NIN: variants seen among roughly 807,000 people sequenced by gnomAD.
The protein encoded by NIN is ninein.
A neutral mutation model predicts 257.6 loss-of-function variants in NIN; 137 were observed. The ratio of observed to expected loss-of-function variants is 0.53; its 90% confidence interval spans 0.46 to 0.61. The LOEUF (loss-of-function observed/expected upper bound fraction) is 0.61. NIN is among the 20% of genes least tolerant of loss of function. NIN has a pLI of 0.00. For missense variants in NIN, 2,439 were observed against 2,501.2 expected (o/e 0.98, Z 0.53); for synonymous variants, 918 against 919.8 (o/e 1.00, Z 0.04).
intron 2 of NIN, among the ~76,000 whole-genome samples, chr14:50,823,662 T>A (rs2045336011): frequency 6.6e-6 from 1 of 152,144 alleles, no homozygotes; most frequent in Non-Finnish European, 1.5e-5. Context: ...ACAGCTCAGT[T>A]TTTACTGGGG....
intron 22 of NIN, among the ~76,000 whole-genome samples, chr14:50,744,935 CA>C (rs143259525): frequency 2.6e-5 from 4 of 151,924 alleles, no homozygotes; most frequent in East Asian, 3.9e-4. Flanking sequence ...CAAAACAAAA[CA>C]AAAAAACCCC....
chr14:50,729,167 C>G (rs1299154883), intron 29 of NIN, among the ~76,000 whole-genome samples: 3 of 152,064 alleles, frequency 2.0e-5, no homozygotes, highest in Non-Finnish European at 2.9e-5. Flanking sequence ...AGCTTAGAAG[C>G]TGAGAGCTCA....
In NIN at chr14:50,749,754, A is replaced by G. The variant is rs566965852; in HGVS notation, c.4951-1649T>C. 2.6e-5 allele frequency among the ~76,000 whole-genome samples: 4 copies of G among 152,176 alleles called. No individual in the cohort carries two copies. In the East Asian group the frequency reaches 5.8e-4, roughly 22 times the overall value. On this transcript the variant is annotated intron_variant, in intron 21 of 30. Coordinates refer to ENST00000530997, the MANE Select transcript of NIN (RefSeq NM_020921.4). ...GCCCAGGCTGAAGTGCAGTGGTGCAATCTTGGCTCACTGCAGCCTCGACCT... is the reference window on the plus strand; with the variant it reads ...GCCCAGGCTGAAGTGCAGTGGTGCAGTCTTGGCTCACTGCAGCCTCGACCT...
At chr14:50,746,266 G>A (rs1376750850) in intron 22 of NIN, among the ~76,000 whole-genome samples, 1 of 152,132 alleles carries the variant, frequency 6.6e-6, no homozygotes, top group East Asian at 1.9e-4. Context: ...GATAAAGTTG[G>A]TAATAACAGC....
At chr14:50,741,207 A>G (rs984268389) in intron 25 of NIN, among the ~76,000 whole-genome samples, 1 of 152,204 alleles carries the variant, frequency 6.6e-6, no homozygotes, top group Non-Finnish European at 1.5e-5. Context: ...CATTTAAGAA[A>G]ATGTTTTAGT....
chr14:50,755,480 GA>G (rs896790338), intron 18 of NIN, among the ~76,000 whole-genome samples: 2 of 128,088 alleles, frequency 1.6e-5, no homozygotes, highest in African/African-American at 2.9e-5. Context: ...TTTTTTTTTT[GA>G]AAAACCAAAT....
Position 50,738,153 on chromosome 14 carries a change from G to A in NIN, c.5762C>T (p.Pro1921Leu). Residue 1921 changes from proline to leucine, a missense_variant, in exon 27 of 31, where the codon CCT (proline) becomes CTT (leucine). Coordinates refer to ENST00000530997, the MANE Select transcript of NIN (RefSeq NM_020921.4). Reference protein sequence around the residue: ...ECDQFQKEQSPANRKVSQMNS... With the variant: ...ECDQFQKEQSLANRKVSQMNS... ...TCAAAAACTCACCTTCCTGTTAGCA[G>A]GAGATTGTTCTTTCTGAAACTGATC... 6.2e-7 allele frequency: 1 copy of A among 1,614,046 alleles called. No individual in the cohort carries two copies. The highest frequency in any genetic ancestry group is 8.5e-7 in the Non-Finnish European group (1 of 1,179,984).
intron 3 of NIN, among the ~76,000 whole-genome samples, chr14:50,808,189 G>A (rs554254625): frequency 1.3e-5 from 2 of 152,198 alleles, no homozygotes; most frequent in Admixed American, 6.5e-5. Context: ...AAGGGTAAAC[G>A]ACTGTAGAAA....
intron 21 of NIN, 66 bp downstream of exon 21, chr14:50,752,452 T>C (rs2041827698): frequency 8.1e-7 from 1 of 1,238,188 alleles, no homozygotes; most frequent in Non-Finnish European, 1.2e-6. Context: ...GGAAGTTTAA[T>C]ACAAACATTT....
At chr14:50,765,841 A>ATGT (rs1555383418) in intron 14 of NIN, among the ~76,000 whole-genome samples, 1 of 63,722 alleles carries the variant, frequency 1.6e-5, no homozygotes, top group Non-Finnish European at 3.7e-5. Context: ...GCTAACATTT[A>ATGT]TGTTTTTTTT....
rs760609447 is a variant in NIN, at chr14:50,792,893, G to C, written c.266-12C>G. On this transcript the variant is annotated splice_polypyrimidine_tract_variant and intron_variant, in intron 4 of 30. Transcript: ENST00000530997. ...TTCTAGTGAGCAGTCTGAGAGAGGAGACAAGAGTTGAGGCCACATGACATG... is the reference window on the plus strand; with the variant it reads ...TTCTAGTGAGCAGTCTGAGAGAGGACACAAGAGTTGAGGCCACATGACATG... 1 of 1,613,916 alleles carries C rather than the reference G, an allele frequency of 6.2e-7. No individual in the cohort carries two copies.
chr14:50,723,401 C>T lies in NIN; in HGVS notation c.*62G>A. 2 of 1,409,824 alleles carry T rather than the reference C, an allele frequency of 1.4e-6. No homozygotes were observed. The highest frequency in any genetic ancestry group is 2.0e-6 in the Non-Finnish European group (2 of 1,007,740). 87.3% of individuals were successfully genotyped at this position (1,409,824 alleles called of 1,614,324 possible). On this transcript the variant is annotated 3_prime_UTR_variant, in exon 31 of 31. Coordinates refer to ENST00000530997, the MANE Select transcript of NIN (RefSeq NM_020921.4). ...GTTAGGCTTAATTTTAAGTTGAGAA[C>T]CTACTGAAATGTTCATCTATTTCAG...
chr14:50,738,375 A>G, intron 26 of NIN, 89 bp from the exon 27 acceptor site: 1 of 1,111,590 alleles, frequency 9.0e-7, no homozygotes, highest in Admixed American at 2.3e-5. Context: ...TTAATTCAGT[A>G]CTTGGGTCCT....
intron 29 of NIN, chr14:50,726,276 A>G (rs879166410): frequency 2.1e-6 from 1 of 485,356 alleles, no homozygotes; most frequent in South Asian, 3.9e-5. Context: ...AGACTGAAAA[A>G]TCAAAAGAAT....
At chr14:50,775,759 T>C (rs1413738096) in intron 7 of NIN, among the ~76,000 whole-genome samples, 3 of 152,170 alleles carry the variant, frequency 2.0e-5, no homozygotes, top group Non-Finnish European at 4.4e-5. Flanking sequence ...TAATCCAAGT[T>C]TGTGCAATAT....
intron 11 of NIN, 101 bp downstream of exon 11, chr14:50,770,751 C>T: frequency 7.0e-7 from 1 of 1,438,358 alleles, no homozygotes; most frequent in Admixed American, 2.4e-5. Context: ...ACAGGCTGAC[C>T]AGAAGAGTCC....
At position 50,737,173 on chromosome 14, in the gene NIN, T is replaced by C. The variant is rs141113688; in HGVS notation, c.5775+967A>G. ...CATAAAGGGACCACAGCTTCTGTCT[T>C]GGTCTTTCGGTCTCAGTGTCTGTTT... On this transcript the variant is annotated intron_variant, in intron 27 of 30. Transcript: ENST00000530997. Among the ~76,000 whole-genome samples, 5 of 152,328 alleles carry C rather than the reference T, an allele frequency of 3.3e-5. No individual in the cohort carries two copies. The East Asian group carries it at 9.6e-4, about 29-fold the overall frequency.
intron 21 of NIN, among the ~76,000 whole-genome samples, chr14:50,749,326 A>C (rs1024907546): frequency 9.2e-5 from 14 of 152,252 alleles, no homozygotes; most frequent in African/African-American, 3.4e-4. Flanking sequence ...TGGATTAAAG[A>C]CTTAAATGTA....
Position 50,723,631 on chromosome 14 carries a change from C to A in NIN, c.6234G>T (p.Leu2078Phe). ...TCAACAACTGGGCATTTTCAACATA[C>A]AAGTCCTTCACCATTGCGTCTGCCT... ...NTKADAMVKDLYVENAQLLKA... is the reference protein window; with the variant it reads ...NTKADAMVKDFYVENAQLLKA... The change falls in exon 31 of 31, where the codon TTG becomes TTT. Residue 2078 changes from leucine to phenylalanine, a missense_variant. Leu to Phe is a conservative substitution (Grantham distance 22, BLOSUM62 0). This residue lies in a region of NIN where 2,043 missense variants were observed against 2,050.2 expected (regional missense o/e 1.00). Coordinates refer to ENST00000530997, the MANE Select transcript of NIN (RefSeq NM_020921.4). 6.2e-7 allele frequency: 1 copy of A among 1,613,880 alleles called. No homozygotes were observed. The highest frequency in any genetic ancestry group is 8.5e-7 in the Non-Finnish European group (1 of 1,179,784).
Sources: gnomAD v4.1 joint callset for allele counts (sites outside exome capture counted in the v4.1 genomes callset) on GRCh38, gnomAD v4.1.1 for gene constraint, gnomAD v4.1.1 regional missense constraint, MANE v1.5 for transcripts, NCBI Gene and HGNC (gene_info 2026-07-23, HGNC 2026-07-21) for gene names.